Variants in ZC3H18 observed in about 807,000 individuals in gnomAD.
ZC3H18 encodes the protein zinc finger CCCH-type containing 18.
In ZC3H18, 8 loss-of-function variants were observed where a neutral mutation model predicts 106.1. The observed-to-expected ratio is 0.08, with a 90% CI of 0.04 to 0.14. The LOEUF is 0.14. Ranked by LOEUF, ZC3H18 falls within the 10% of genes least tolerant of loss-of-function variation. The pLI, the probability that ZC3H18 is intolerant of heterozygous loss-of-function variation, is 1.00. For synonymous variants in ZC3H18, 635 were observed against 522.1 expected (o/e 1.22, Z -2.95); for missense variants, 1,318 against 1,278.4 (o/e 1.03, Z -0.47).
intron 3 of ZC3H18, among the ~76,000 whole-genome samples, chr16:88,589,321 A>C (rs1276772936): frequency 2.0e-5 from 3 of 152,238 alleles, no homozygotes; most frequent in Non-Finnish European, 4.4e-5. Context: ...GTATGCAGCC[A>C]AGAGAAACGG....
chr16:88,606,537 G>A (rs1905019426), intron 6 of ZC3H18, among the ~76,000 whole-genome samples: 1 of 152,226 alleles, frequency 6.6e-6, no homozygotes, highest in South Asian at 2.1e-4. Flanking sequence ...TTTGGGAAAG[G>A]CTTTTCTACC....
intron 15 of ZC3H18, among the ~76,000 whole-genome samples, chr16:88,628,482 T>C (rs1235610718): frequency 6.6e-6 from 1 of 152,136 alleles, no homozygotes; most frequent in African/African-American, 2.4e-5. Context: ...GAGGCCTGGC[T>C]TCATGGGTCC....
Position 88,631,414 on chromosome 16 carries a change from A to G in ZC3H18, c.*115A>G. On this transcript the variant is annotated 3_prime_UTR_variant, in exon 18 of 18. Transcript: ENST00000301011. ...GATTCTTTTTAAAAAGTAAAAAAGA[A>G]AAAAAAGTTTCTCAGCTGGAAAAGA... 5.7e-6 allele frequency: 8 copies of G among 1,412,810 alleles called. No homozygotes were observed. Among genetic ancestry groups the G allele is most frequent in the East Asian group, 2.5e-5 (1 of 40,246 alleles). 87.5% of individuals were successfully genotyped at this position (1,412,810 alleles called of 1,614,324 possible). A position where few individuals can be genotyped will look rare whatever the true frequency, so the allele number is the denominator to read the frequency against.
rs1048058579 is a variant in ZC3H18, at chr16:88,587,487, C to A, written c.688+803C>A. 135 of 1,451,172 alleles carry A rather than the reference C, an allele frequency of 9.3e-5. No homozygotes were observed. The South Asian group carries it at 1.4e-3, about 16-fold the overall frequency. 89.9% of individuals were successfully genotyped at this position (1,451,172 alleles called of 1,614,324 possible). ...GTAAGCCCATAGATGACTGTCACTG[C>A]CAGCCTGTGTGTGCCATCTAAAGCT... On this transcript the variant is annotated intron_variant, in intron 3 of 17. Coordinates refer to ENST00000301011, the MANE Select transcript of ZC3H18 (RefSeq NM_144604.4).
At chr16:88,618,928 G>T (rs1282343367) in intron 8 of ZC3H18, among the ~76,000 whole-genome samples, 6 of 152,182 alleles carry the variant, frequency 3.9e-5, no homozygotes, top group African/African-American at 1.2e-4. Flanking sequence ...ACTTGTGAAG[G>T]AGCTGAGCCG....
chr16:88,578,142 A>G (rs1388271940), intron 2 of ZC3H18, among the ~76,000 whole-genome samples: 1 of 152,224 alleles, frequency 6.6e-6, no homozygotes, highest in Non-Finnish European at 1.5e-5. Context: ...TTTTGGACTG[A>G]AAAGAATGAG....
At position 88,624,881 on chromosome 16, in the gene ZC3H18, A is replaced by G. The variant is rs1906204913; in HGVS notation, c.2042+136A>G. 10 of 1,311,858 alleles carry G rather than the reference A, an allele frequency of 7.6e-6. No individual in the cohort carries two copies. The South Asian group carries it at 1.5e-4, about 20-fold the overall frequency. The allele number at this position is 1,311,858 out of a possible 1,614,324, so 81.3% of individuals were successfully genotyped here. A position where few individuals can be genotyped will look rare whatever the true frequency, so the allele number is the denominator to read the frequency against. ...AGCGCCCCCTAGCCGAGCAGCACCC[A>G]GTGAGCCCTTACCCGGGAACCTGCC... On this transcript the variant is annotated intron_variant, in intron 12 of 17. Transcript: ENST00000301011.
intron 3 of ZC3H18, chr16:88,587,489 A>G (rs1319587006): frequency 1.4e-6 from 2 of 1,460,734 alleles, no homozygotes; most frequent in Non-Finnish European, 1.9e-6. Flanking sequence ...TGTCACTGCC[A>G]GCCTGTGTGT....
chr16:88,572,009 A>G (rs1421134132), intron 1 of ZC3H18, among the ~76,000 whole-genome samples: 1 of 152,228 alleles, frequency 6.6e-6, no homozygotes, highest in Non-Finnish European at 1.5e-5. Flanking sequence ...AAATGTAGTC[A>G]TATGGGAAAA....
At chr16:88,575,635 A>G (rs865805171) in intron 1 of ZC3H18, among the ~76,000 whole-genome samples, 1 of 152,010 alleles carries the variant, frequency 6.6e-6, no homozygotes, top group East Asian at 1.9e-4. Flanking sequence ...GAGGAGGGAA[A>G]CTCGAAAATA....
chr16:88,586,862 G>A (rs1266483714), intron 3 of ZC3H18, among the ~76,000 whole-genome samples, 178 bp downstream of exon 3: 1 of 152,116 alleles, frequency 6.6e-6, no homozygotes, highest in Non-Finnish European at 1.5e-5. Context: ...TAAACAATAG[G>A]CCCTTTTATT....
chr16:88,623,750 G>T, intron 10 of ZC3H18: 1 of 926,784 alleles, frequency 1.1e-6, no homozygotes, highest in South Asian at 2.3e-5. Context: ...GGACCCGCCA[G>T]TGGATGCTGA....
At chr16:88,584,279 A>G (rs1055309695) in intron 2 of ZC3H18, among the ~76,000 whole-genome samples, 1 of 152,120 alleles carries the variant, frequency 6.6e-6, no homozygotes, top group African/African-American at 2.4e-5. Context: ...AAAATTAGCC[A>G]GGCGTGATGT....
intron 2 of ZC3H18, among the ~76,000 whole-genome samples, chr16:88,580,156 C>G (rs947692573): frequency 2.0e-4 from 25 of 126,960 alleles, no homozygotes; most frequent in Non-Finnish European, 3.4e-4. Flanking sequence ...ACAGGTTCAT[C>G]TGTGTGTGTG....
chr16:88,605,135 G>A (rs186536095), intron 6 of ZC3H18, among the ~76,000 whole-genome samples: 2 of 152,370 alleles, frequency 1.3e-5, no homozygotes, highest in East Asian at 1.9e-4. Context: ...AACTGAGAGA[G>A]CACAAGTGGC....
chr16:88,598,843 GTCTT>G (rs767310713), intron 5 of ZC3H18, 131 bp downstream of exon 5: 51 of 739,498 alleles, frequency 6.9e-5, no homozygotes, highest in Middle Eastern at 3.8e-4. Flanking sequence ...TTTCTGTGGT[GTCTT>G]TCTTTATTTT....
At chr16:88,586,513 C>T (rs1035222244) in intron 2 of ZC3H18, 87 bp from the exon 3 acceptor site, 383 of 1,104,264 alleles carry the variant, frequency 3.5e-4, no homozygotes, top group Non-Finnish European at 4.7e-4. Context: ...AGGTTCCACA[C>T]GCAGCTTCCT....
chr16:88,587,745 G>A, intron 3 of ZC3H18: 2 of 901,830 alleles, frequency 2.2e-6, no homozygotes, highest in Non-Finnish European at 3.4e-6. Context: ...GGGGCAGAGA[G>A]CTGTTCGGAA....
intron 13 of ZC3H18, chr16:88,625,838 A>ATTTTTTTT (rs1175357328): frequency 9.6e-6 from 1 of 104,468 alleles, no homozygotes; most frequent in Admixed American, 1.1e-4. Flanking sequence ...ACAGAAAAAG[A>ATTTTTTTT]TTTTTTTTTT....
Sources: gnomAD v4.1 joint callset for allele counts (sites outside exome capture counted in the v4.1 genomes callset) on GRCh38, gnomAD v4.1.1 for gene constraint, MANE v1.5 for transcripts, NCBI Gene and HGNC (gene_info 2026-07-23, HGNC 2026-07-21) for gene names.